The following GFRA1 variants were observed in gnomAD, a reference collection of about 807,000 sequenced individuals.
GFRA1 encodes GDNF family receptor alpha-1.
Under a neutral mutation model 51.6 loss-of-function variants are expected in GFRA1, and 16 were observed. The ratio of observed to expected loss-of-function variants is 0.31; its 90% CI spans 0.21 to 0.47. The LOEUF is 0.47. Among genes scored for constraint, GFRA1 ranks in the 20% least tolerant of loss-of-function variants. GFRA1 has a pLI of 1.00. For synonymous variants in GFRA1, 270 were observed against 241.3 expected (o/e 1.12, Z -1.10); for missense variants, 530 against 594.3 (o/e 0.89, Z 1.13).
rs974006092 is a variant in GFRA1 at position 116,212,428 on chromosome 10, G to C, written c.419-783C>G. Reference sequence around the variant, plus strand: ...CCATCTACTCGGGAGGCTGAGGCAGGAGAATCACTTGAACCCAGGAGGAGG... The same window carrying C: ...CCATCTACTCGGGAGGCTGAGGCAGCAGAATCACTTGAACCCAGGAGGAGG... On this transcript the variant is annotated intron_variant, in intron 4 of 10. Coordinates refer to ENST00000355422, the MANE Select transcript of GFRA1 (RefSeq NM_005264.8). Among the ~76,000 whole-genome samples, 12 of 152,050 alleles carry C rather than the reference G, an allele frequency of 7.9e-5. No homozygotes were observed. The East Asian group carries it at 2.3e-3, about 29-fold the overall frequency.
chr10:116,203,869 T>C (rs1214683670), intron 5 of GFRA1, among the ~76,000 whole-genome samples: 1 of 152,196 alleles, frequency 6.6e-6, no homozygotes, highest in African/African-American at 2.4e-5. Flanking sequence ...GCCTACGCTA[T>C]GGGAAAAGCA....
intron 5 of GFRA1, among the ~76,000 whole-genome samples, chr10:116,206,132 C>T (rs1018056982): frequency 6.6e-5 from 10 of 152,192 alleles, no homozygotes; most frequent in East Asian, 1.9e-4. Context: ...AAAGTGTTCA[C>T]GCATTTTTCT....
chr10:116,101,238 A>G (rs1298935665), intron 6 of GFRA1, among the ~76,000 whole-genome samples: 9 of 152,224 alleles, frequency 5.9e-5, no homozygotes, highest in African/African-American at 2.2e-4. Flanking sequence ...GATACAAACA[A>G]GAAAGCTTGA....
intron 4 of GFRA1, among the ~76,000 whole-genome samples, chr10:116,257,402 C>T (rs1382441958): frequency 1.3e-5 from 2 of 151,806 alleles, no homozygotes; most frequent in Non-Finnish European, 2.9e-5. Flanking sequence ...ATGCTGGGCT[C>T]TGTGCACTTG....
intron 5 of GFRA1, among the ~76,000 whole-genome samples, chr10:116,152,505 T>A (rs1300806624): frequency 6.6e-6 from 1 of 152,090 alleles, no homozygotes; most frequent in Non-Finnish European, 1.5e-5. Context: ...GGGACCAGAA[T>A]CTTAAGCAAC....
At chr10:116,078,065 C>T (rs1380845197) in intron 9 of GFRA1, among the ~76,000 whole-genome samples, 1 of 152,166 alleles carries the variant, frequency 6.6e-6, no homozygotes, top group Non-Finnish European at 1.5e-5. Flanking sequence ...CACATATGTA[C>T]CTATCAATCA....
intron 5 of GFRA1, among the ~76,000 whole-genome samples, chr10:116,139,376 T>C (rs1057128637): frequency 6.6e-6 from 1 of 152,178 alleles, no homozygotes; most frequent in Admixed American, 6.5e-5. Context: ...ACCTAGCTAT[T>C]TGCTCAATAA....
At chr10:116,252,959 C>G (rs1047349287) in intron 4 of GFRA1, among the ~76,000 whole-genome samples, 1 of 152,182 alleles carries the variant, frequency 6.6e-6, no homozygotes, top group Non-Finnish European at 1.5e-5. Flanking sequence ...GCACTGCACC[C>G]CCCGGCCAAT....
At chr10:116,071,384 T>C (rs566925161) in intron 9 of GFRA1, among the ~76,000 whole-genome samples, 2 of 152,300 alleles carry the variant, frequency 1.3e-5, no homozygotes, top group South Asian at 4.1e-4. Flanking sequence ...GGCCCAGGGG[T>C]GCCAAATTTC....
intron 4 of GFRA1, among the ~76,000 whole-genome samples, chr10:116,236,898 A>G (rs550792786): frequency 1.3e-5 from 2 of 152,362 alleles, no homozygotes; most frequent in Admixed American, 6.5e-5. Context: ...CAGGACAACA[A>G]TAATAGCAAA....
At chr10:116,077,801 TG>T (rs918937280) in intron 9 of GFRA1, among the ~76,000 whole-genome samples, 7 of 152,116 alleles carry the variant, frequency 4.6e-5, no homozygotes, top group African/African-American at 1.2e-4. Context: ...GTCGGCAGGC[TG>T]GGGGGGACAG....
intron 5 of GFRA1, among the ~76,000 whole-genome samples, chr10:116,185,246 C>A (rs1471934514): frequency 2.0e-5 from 3 of 151,930 alleles, no homozygotes; most frequent in Non-Finnish European, 4.4e-5. Context: ...CCTTACCTAA[C>A]CTCTCATAGC....
intron 5 of GFRA1, among the ~76,000 whole-genome samples, chr10:116,167,079 G>A (rs1291317567): frequency 1.3e-5 from 2 of 152,040 alleles, no homozygotes; most frequent in Non-Finnish European, 2.9e-5. Flanking sequence ...GATTACAGGT[G>A]TGAGCCACCG....
At chr10:116,194,261 T>C (rs540594739) in intron 5 of GFRA1, among the ~76,000 whole-genome samples, 131 of 152,246 alleles carry the variant, frequency 8.6e-4, no homozygotes, top group African/African-American at 2.9e-3. Context: ...AGTGGACTGA[T>C]AAATGAGAAC....
intron 4 of GFRA1, among the ~76,000 whole-genome samples, chr10:116,230,185 C>G (rs1037061998): frequency 2.0e-5 from 3 of 152,152 alleles, no homozygotes; most frequent in Non-Finnish European, 4.4e-5. Flanking sequence ...GAAATCTGTC[C>G]AAAGTATGGT....
intron 5 of GFRA1, among the ~76,000 whole-genome samples, chr10:116,167,393 T>G (rs1298159912): frequency 6.6e-6 from 1 of 152,114 alleles, no homozygotes; most frequent in African/African-American, 2.4e-5. Flanking sequence ...GGCATAAGCC[T>G]CTTACTTTCT....
chr10:116,117,704 A>T (rs2133992916), intron 6 of GFRA1, among the ~76,000 whole-genome samples: 1 of 152,188 alleles, frequency 6.6e-6, no homozygotes, highest in South Asian at 2.1e-4. Context: ...GGAGAGAGGA[A>T]CAAAGGTATG....
intron 6 of GFRA1, among the ~76,000 whole-genome samples, chr10:116,120,453 C>T (rs914250844): frequency 5.9e-5 from 9 of 151,992 alleles, no homozygotes; most frequent in Non-Finnish European, 1.3e-4. Context: ...GGCATGGTAG[C>T]ATGCACCTGT....
chr10:116,269,056 C>A (rs1262544384), intron 4 of GFRA1, among the ~76,000 whole-genome samples: 1 of 152,098 alleles, frequency 6.6e-6, no homozygotes, highest in Admixed American at 6.5e-5. Flanking sequence ...TGAATTCATC[C>A]CAAATTTTTC....
Sources: allele counts gnomAD v4.1 joint callset (sites outside exome capture counted in the v4.1 genomes callset), GRCh38; gene constraint gnomAD v4.1.1; transcripts MANE v1.5; gene names NCBI Gene and HGNC (gene_info 2026-07-23, HGNC 2026-07-21).